CNTNAP2: variants seen among roughly 807,000 people sequenced by gnomAD.
CNTNAP2 encodes contactin-associated protein-like 2.
Under a neutral mutation model 155.2 loss-of-function variants are expected in CNTNAP2, and 98 were observed. The ratio of observed to expected loss-of-function variants is 0.63; its 90% CI spans 0.54 to 0.75. The LOEUF (loss-of-function observed/expected upper bound fraction) is 0.75. Among genes scored for constraint, CNTNAP2 ranks in the 30% least tolerant of loss-of-function variants. The pLI, the probability that CNTNAP2 is intolerant of heterozygous loss-of-function variation, is 0.00. For synonymous variants in CNTNAP2, 651 were observed against 631.2 expected (o/e 1.03, Z -0.47); for missense variants, 1,727 against 1,688.1 (o/e 1.02, Z -0.40).
chr7:146,191,898 A>G (rs1163030087), intron 1 of CNTNAP2, among the ~76,000 whole-genome samples: 1 of 152,132 alleles, frequency 6.6e-6, no homozygotes, highest in Non-Finnish European at 1.5e-5. Context: ...TTGTGCAGTT[A>G]ACGCAATCAT....
chr7:146,761,346 G>T (rs1802096122), intron 1 of CNTNAP2, among the ~76,000 whole-genome samples: 2 of 151,676 alleles, frequency 1.3e-5, no homozygotes, highest in South Asian at 4.2e-4. Context: ...AAATAGGAAA[G>T]TGTGTTCCCT....
rs543685699 is a variant in CNTNAP2 at position 147,362,895 on chromosome 7, T to C, written c.1499-32714T>C. Reference sequence around the variant, plus strand: ...GAAATACAGAAGTTAATAAAAAAAATTAAAAAAATCAAGAGTCAATTGAGT... The same window carrying C: ...GAAATACAGAAGTTAATAAAAAAAACTAAAAAAATCAAGAGTCAATTGAGT... On this transcript the variant is annotated intron_variant, in intron 9 of 23. Transcript: ENST00000361727. Among the ~76,000 whole-genome samples, 1,323 of 152,234 alleles carry C rather than the reference T, an allele frequency of 8.7e-3. 15 individuals carry two copies. The highest frequency in any genetic ancestry group is 0.03 in the African/African-American group (1,257 of 41,532).
At chr7:147,310,225 C>T (rs904506655) in intron 9 of CNTNAP2, among the ~76,000 whole-genome samples, 3 of 152,038 alleles carry the variant, frequency 2.0e-5, no homozygotes, top group African/African-American at 7.2e-5. Context: ...CTGGCTCTTA[C>T]AACTGGCTTG....
chr7:146,459,361 G>A (rs1315402304), intron 1 of CNTNAP2, among the ~76,000 whole-genome samples: 1 of 152,124 alleles, frequency 6.6e-6, no homozygotes, highest in Non-Finnish European at 1.5e-5. Context: ...AGCTCAGCAG[G>A]TATTACCACC....
At chr7:147,187,795 C>T (rs1031355683) in intron 8 of CNTNAP2, among the ~76,000 whole-genome samples, 5 of 152,192 alleles carry the variant, frequency 3.3e-5, no homozygotes, top group South Asian at 2.1e-4. Flanking sequence ...TATGCTGGCT[C>T]ACACCTCTAA....
At chr7:146,987,323 T>G (rs1262888465) in intron 3 of CNTNAP2, among the ~76,000 whole-genome samples, 2 of 152,154 alleles carry the variant, frequency 1.3e-5, no homozygotes, top group Non-Finnish European at 2.9e-5. Flanking sequence ...AAGCATTTAT[T>G]ATTAAGAAAT....
chr7:146,797,251 G>A (rs955071340), intron 2 of CNTNAP2, among the ~76,000 whole-genome samples: 1 of 152,186 alleles, frequency 6.6e-6, no homozygotes, highest in Non-Finnish European at 1.5e-5. Flanking sequence ...GAGGGACACA[G>A]GATGGAAAAG....
intron 3 of CNTNAP2, among the ~76,000 whole-genome samples, chr7:146,921,814 T>C (rs1320002048): frequency 6.6e-6 from 1 of 152,044 alleles, no homozygotes; most frequent in Non-Finnish European, 1.5e-5. Flanking sequence ...TGAGATCAGG[T>C]AGCAGATGGA....
chr7:147,734,488 G>A (rs552835919), intron 13 of CNTNAP2, among the ~76,000 whole-genome samples: 1 of 152,116 alleles, frequency 6.6e-6, no homozygotes, highest in East Asian at 1.9e-4. Flanking sequence ...TTTTTTTGTT[G>A]TGTCTCTGCC....
intron 12 of CNTNAP2, among the ~76,000 whole-genome samples, chr7:147,628,559 A>G (rs917834693): frequency 6.6e-6 from 1 of 152,182 alleles, no homozygotes; most frequent in Admixed American, 6.5e-5. Flanking sequence ...CAATAACACA[A>G]TTAAAACAAA....
At chr7:148,077,542 C>G (rs1202109563) in intron 15 of CNTNAP2, among the ~76,000 whole-genome samples, 2 of 152,130 alleles carry the variant, frequency 1.3e-5, no homozygotes, top group Non-Finnish European at 2.9e-5. Context: ...TTCAAGAAAC[C>G]CTGGGGAGAT....
chr7:148,331,317 C>G (rs111204067), intron 21 of CNTNAP2, among the ~76,000 whole-genome samples: 2,843 of 20,860 alleles, frequency 0.14, no homozygotes, highest in South Asian at 0.18. Context: ...GGAGTGGACG[C>G]ATGGAATGGA....
At chr7:147,719,052 T>C (rs1225244205) in intron 13 of CNTNAP2, among the ~76,000 whole-genome samples, 1 of 152,116 alleles carries the variant, frequency 6.6e-6, no homozygotes, top group Middle Eastern at 3.2e-3. Flanking sequence ...ATGCTAATAT[T>C]TTGTGATTGT....
At chr7:147,625,825 T>C (rs932572389) in intron 12 of CNTNAP2, among the ~76,000 whole-genome samples, 16 of 152,176 alleles carry the variant, frequency 1.1e-4, no homozygotes, top group African/African-American at 3.1e-4. Flanking sequence ...AAACTGAGCA[T>C]TCCCAAAGTG....
chr7:146,973,691 G>A (rs1017225658), intron 3 of CNTNAP2, among the ~76,000 whole-genome samples: 1 of 152,132 alleles, frequency 6.6e-6, no homozygotes, highest in African/African-American at 2.4e-5. Flanking sequence ...AACACTCATA[G>A]CTTAATAAAA....
At chr7:147,360,781 C>G (rs1195586388) in intron 9 of CNTNAP2, among the ~76,000 whole-genome samples, 1 of 152,090 alleles carries the variant, frequency 6.6e-6, no homozygotes, top group Non-Finnish European at 1.5e-5. Flanking sequence ...ATTTCGACCC[C>G]CCACCTGCCA....
chr7:146,815,307 A>C (rs1803144256), intron 2 of CNTNAP2, among the ~76,000 whole-genome samples: 2 of 152,178 alleles, frequency 1.3e-5, no homozygotes, highest in African/African-American at 4.8e-5. Flanking sequence ...ATGAAGACAA[A>C]TATTAGCTTA....
At chr7:146,900,798 T>A (rs1795976264) in intron 3 of CNTNAP2, among the ~76,000 whole-genome samples, 1 of 152,182 alleles carries the variant, frequency 6.6e-6, no homozygotes, top group Non-Finnish European at 1.5e-5. Flanking sequence ...ATTACACTCC[T>A]ATGCTCACTT....
At chr7:147,693,822 T>G (rs1053590904) in intron 13 of CNTNAP2, among the ~76,000 whole-genome samples, 1 of 152,072 alleles carries the variant, frequency 6.6e-6, no homozygotes, top group African/African-American at 2.4e-5. Context: ...CTCCAATATG[T>G]ATACCTTTTC....
Sources: gnomAD v4.1 joint callset for allele counts (sites outside exome capture counted in the v4.1 genomes callset) on GRCh38, gnomAD v4.1.1 for gene constraint, MANE v1.5 for transcripts, NCBI Gene and HGNC (gene_info 2026-07-23, HGNC 2026-07-21) for gene names.